MGAT4C: variants seen among roughly 807,000 people sequenced by gnomAD.
The protein encoded by MGAT4C is alpha-1,3-mannosyl-glycoprotein 4-beta-N-acetylglucosaminyltransferase C.
In MGAT4C, 19 loss-of-function variants were observed where a neutral mutation model predicts 40.1. The observed-to-expected ratio is 0.47, with a 90% CI of 0.33 to 0.70. The LOEUF is 0.70. Ranked by LOEUF, MGAT4C falls within the 30% of genes least tolerant of loss-of-function variation. The probability of loss-of-function intolerance (pLI) is 0.02; values close to 1 mark genes in which losing one functional copy is unlikely to be tolerated. For missense variants in MGAT4C, 491 were observed against 563.2 expected, an observed-to-expected ratio of 0.87 and a Z score of 1.30; for synonymous variants, 181 against 187.1, an observed-to-expected ratio of 0.97 and a Z score of 0.27.
intron 2 of MGAT4C, among the ~76,000 whole-genome samples, chr12:86,644,210 T>A (rs566227855): frequency 6.6e-6 from 1 of 151,770 alleles, no homozygotes; most frequent in Admixed American, 6.6e-5. Context: ...GAGTTTATAT[T>A]CACAATACAC....
At chr12:86,787,595 G>T (rs1201298429) in intron 1 of MGAT4C, among the ~76,000 whole-genome samples, 3 of 151,978 alleles carry the variant, frequency 2.0e-5, no homozygotes, top group African/African-American at 4.8e-5. Flanking sequence ...CAGCCAGAAT[G>T]ACTATTATTA....
intron 3 of MGAT4C, among the ~76,000 whole-genome samples, chr12:86,407,637 G>A (rs1172052635): frequency 6.6e-6 from 1 of 151,930 alleles, no homozygotes; most frequent in Admixed American, 6.6e-5. Flanking sequence ...TAATCAGTTT[G>A]CTGTGTGATT....
intron 3 of MGAT4C, among the ~76,000 whole-genome samples, chr12:86,372,978 A>G (rs1955748284): frequency 6.6e-6 from 1 of 150,672 alleles, no homozygotes; most frequent in Admixed American, 6.6e-5. Flanking sequence ...AATTAATTAT[A>G]AATAATTACA....
At chr12:85,994,570 A>T (rs765161184) in intron 2 of MGAT4C, among the ~76,000 whole-genome samples, 5 of 152,148 alleles carry the variant, frequency 3.3e-5, no homozygotes, top group Non-Finnish European at 5.9e-5. Context: ...CCTCAAACAT[A>T]GAATTATTTT....
intron 1 of MGAT4C, among the ~76,000 whole-genome samples, chr12:86,168,526 A>G (rs1195836990): frequency 6.6e-6 from 1 of 152,180 alleles, no homozygotes; most frequent in Non-Finnish European, 1.5e-5. Flanking sequence ...ACAAACAAAC[A>G]AAAAACCAGA....
intron 2 of MGAT4C, among the ~76,000 whole-genome samples, chr12:86,644,914 GTAA>G (rs1963494110): frequency 6.6e-6 from 1 of 151,620 alleles, no homozygotes; most frequent in Non-Finnish European, 1.5e-5. Flanking sequence ...TAACATGCTG[GTAA>G]TGTTCTATAT....
chr12:86,449,408 T>G (rs561185099), intron 2 of MGAT4C, among the ~76,000 whole-genome samples: 1 of 152,332 alleles, frequency 6.6e-6, no homozygotes, highest in Admixed American at 6.5e-5. Context: ...AATTTTGTTT[T>G]TATTTTTAGA....
chr12:86,724,952 A>G (rs1434863866), intron 2 of MGAT4C, among the ~76,000 whole-genome samples: 1 of 152,198 alleles, frequency 6.6e-6, no homozygotes, highest in Non-Finnish European at 1.5e-5. Flanking sequence ...AACTAGCTAG[A>G]TTCAACCATT....
At chr12:86,598,679 C>T (rs980118692) in intron 2 of MGAT4C, among the ~76,000 whole-genome samples, 1 of 152,076 alleles carries the variant, frequency 6.6e-6, no homozygotes, top group Non-Finnish European at 1.5e-5. Flanking sequence ...GTCTTCAGCT[C>T]TCTCTAAACT....
intron 4 of MGAT4C, among the ~76,000 whole-genome samples, chr12:86,288,700 A>G (rs1953421472): frequency 6.6e-6 from 1 of 151,968 alleles, no homozygotes; most frequent in Non-Finnish European, 1.5e-5. Context: ...TTTGTTGACC[A>G]CATGTAAGTC....
chr12:86,425,082 G>C (rs1213418507), intron 3 of MGAT4C, among the ~76,000 whole-genome samples: 1 of 152,022 alleles, frequency 6.6e-6, no homozygotes, highest in East Asian at 1.9e-4. Flanking sequence ...AGTCTAGACA[G>C]TGAGATAAAG....
At chr12:86,154,467 C>G (rs981205001) in intron 1 of MGAT4C, among the ~76,000 whole-genome samples, 1 of 152,128 alleles carries the variant, frequency 6.6e-6, no homozygotes, top group East Asian at 1.9e-4. Context: ...CTGTGGTCAG[C>G]TTTTTTGAGC....
intron 2 of MGAT4C, among the ~76,000 whole-genome samples, chr12:86,615,704 A>G (rs79562095): frequency 0.12 from 18,011 of 152,076 alleles, 1,754 homozygotes; most frequent in African/African-American, 0.27. Flanking sequence ...TTGGGAACAT[A>G]AAAAAATGAG....
At chr12:86,282,760 G>T (rs900175069) in intron 4 of MGAT4C, among the ~76,000 whole-genome samples, 7 of 151,488 alleles carry the variant, frequency 4.6e-5, no homozygotes, top group African/African-American at 1.7e-4. Context: ...TTTTTGTTTT[G>T]TTTTGCTTTG....
intron 2 of MGAT4C, among the ~76,000 whole-genome samples, chr12:86,654,390 G>A (rs763308740): frequency 1.6e-4 from 24 of 150,966 alleles, no homozygotes; most frequent in Non-Finnish European, 3.5e-4. Flanking sequence ...TTATCAAAGT[G>A]GTAGAAAAAT....
intron 2 of MGAT4C, among the ~76,000 whole-genome samples, chr12:86,469,672 A>AT (rs1225412723): frequency 6.6e-6 from 1 of 152,018 alleles, no homozygotes; most frequent in Non-Finnish European, 1.5e-5. Flanking sequence ...CACCAACCTA[A>AT]TTTTTTCCAA....
At chr12:86,348,412 T>A (rs1955086918) in intron 3 of MGAT4C, among the ~76,000 whole-genome samples, 1 of 152,300 alleles carries the variant, frequency 6.6e-6, no homozygotes, top group East Asian at 1.9e-4. Flanking sequence ...TTGGGATTTT[T>A]TTTTTCCACA....
At chr12:86,285,813 T>C (rs575063954) in intron 4 of MGAT4C, among the ~76,000 whole-genome samples, 32 of 152,130 alleles carry the variant, frequency 2.1e-4, no homozygotes, top group African/African-American at 6.5e-4. Flanking sequence ...AAATAAATCT[T>C]ATGTATGTAA....
intron 2 of MGAT4C, among the ~76,000 whole-genome samples, chr12:86,483,665 GA>G (rs779431341): frequency 4.0e-5 from 6 of 151,092 alleles, no homozygotes; most frequent in Non-Finnish European, 8.8e-5. Context: ...ATTATTTTCT[GA>G]ATCAGTTCAC....
Sources: gnomAD v4.1 joint callset for allele counts (sites outside exome capture counted in the v4.1 genomes callset) on GRCh38, gnomAD v4.1.1 for gene constraint, MANE v1.5 for transcripts, NCBI Gene and HGNC (gene_info 2026-07-23, HGNC 2026-07-21) for gene names.